Variants in LINGO2 observed in about 807,000 individuals in gnomAD.
LINGO2 encodes the protein leucine-rich repeat and immunoglobulin-like domain-containing nogo receptor-interacting protein 2.
Under a neutral mutation model 30.6 loss-of-function variants are expected in LINGO2, and 14 were observed. That is an observed-to-expected ratio of 0.46 (90% CI 0.30 to 0.72). The LOEUF is 0.72. Ranked by LOEUF, LINGO2 falls within the 30% of genes least tolerant of loss-of-function variation. The pLI, the probability that LINGO2 is intolerant of heterozygous loss-of-function variation, is 0.07. For synonymous variants in LINGO2, 317 were observed against 288.5 expected (o/e 1.10, Z -1.00); for missense variants, 729 against 751.7 (o/e 0.97, Z 0.35).
At position 28,553,377 on chromosome 9, in the gene LINGO2, C is replaced by T. The variant is rs927666683; in HGVS notation, c.-364-77352G>A. ...CAGAAGCCTCAGGAGCCGATGTGAT[C>T]AATTGGAAGAAAGGGTATCAGCAAT... On this transcript the variant is annotated intron_variant, in intron 1 of 5. Coordinates refer to ENST00000379992, the Ensembl canonical transcript of LINGO2. Among the ~76,000 whole-genome samples, 19 of 151,858 alleles carry T rather than the reference C, an allele frequency of 1.3e-4. No individual in the cohort carries two copies. The East Asian group carries it at 2.5e-3, about 20-fold the overall frequency.
At chr9:28,863,802 T>C in the LINGO2 span, 2 of 330,336 alleles carry the variant, frequency 6.1e-6, no homozygotes, top group South Asian at 4.9e-5. Context: ...TCACAATCAA[T>C]TGAAGAATAT....
intron 4 of LINGO2, among the ~76,000 whole-genome samples, chr9:28,286,914 A>G (rs1392618211): frequency 6.6e-6 from 1 of 152,140 alleles, no homozygotes; most frequent in African/African-American, 2.4e-5. Flanking sequence ...CCCATGACAC[A>G]AGTTTACCTG....
chr9:28,457,445 C>T lies in LINGO2; in HGVS notation c.-279+18495G>A, dbSNP rs147100249. ...CTTGTCTGTTTTAGAGATGGGGTCT[C>T]ACTTTGTCACCCAGGCTGGAGTGCA... On this transcript the variant is annotated intron_variant, in intron 2 of 5. Coordinates refer to ENST00000379992, the Ensembl canonical transcript of LINGO2. Among the ~76,000 whole-genome samples the T allele has an allele frequency of 1.2e-3, 183 of 152,180 alleles. 2 individuals are homozygous for T. The highest frequency in any genetic ancestry group is 4.2e-3 in the African/African-American group (176 of 41,538).
At chr9:28,657,602 C>A (rs1287799028) in intron 1 of LINGO2, among the ~76,000 whole-genome samples, 2 of 151,614 alleles carry the variant, frequency 1.3e-5, no homozygotes, top group African/African-American at 2.4e-5. Context: ...TAGTAATATT[C>A]CCTCTTTTAT....
chr9:28,370,537 T>A (rs143653052), intron 3 of LINGO2, among the ~76,000 whole-genome samples: 33 of 152,284 alleles, frequency 2.2e-4, no homozygotes, highest in African/African-American at 7.9e-4. Context: ...TACCTAAACT[T>A]TATAAATATG....
intron 1 of LINGO2, among the ~76,000 whole-genome samples, chr9:28,590,074 A>T (rs927932982): frequency 6.6e-6 from 1 of 152,140 alleles, no homozygotes; most frequent in Admixed American, 6.5e-5. Context: ...CTATTTAATA[A>T]ATGGTGCTGG....
Position 28,474,090 on chromosome 9 carries a change from C to A in LINGO2, c.-279+1850G>T, listed in dbSNP as rs1438103310. Among the ~76,000 whole-genome samples the A allele has an allele frequency of 2.0e-5, 3 of 152,074 alleles. No individual in the cohort carries two copies. In the East Asian group the frequency reaches 5.8e-4, roughly 29 times the overall value. On this transcript the variant is annotated intron_variant, in intron 2 of 5. Transcript: ENST00000379992. ...AATAGCACATGTAAATATTTGGATCCATTTCAGTAGAACTGAGAAAGCCAC... is the reference window on the plus strand; with the variant it reads ...AATAGCACATGTAAATATTTGGATCAATTTCAGTAGAACTGAGAAAGCCAC...
At chr9:28,757,704 G>C in the LINGO2 span, among the ~76,000 whole-genome samples, 1 of 151,934 alleles carries the variant, frequency 6.6e-6, no homozygotes, top group Non-Finnish European at 1.5e-5. Flanking sequence ...GCTGAACAAG[G>C]AGCCAGTTAG....
intron 4 of LINGO2, among the ~76,000 whole-genome samples, chr9:28,179,379 A>ATATATAGTATATATATACTATAG (rs1205671620): frequency 1.3e-4 from 17 of 132,128 alleles, no homozygotes; most frequent in Non-Finnish European, 2.7e-4. Context: ...ATATTATGCT[A>ATATATAGTATATATATACTATAG]TATATAGTAT....
chr9:27,965,506 T>A (rs1250014259), intron 5 of LINGO2, among the ~76,000 whole-genome samples: 1 of 152,036 alleles, frequency 6.6e-6, no homozygotes, highest in Non-Finnish European at 1.5e-5. Context: ...CAGTCATCTT[T>A]CCAATGGACT....
intron 4 of LINGO2, among the ~76,000 whole-genome samples, chr9:28,157,421 T>C (rs1414879883): frequency 6.6e-6 from 1 of 152,178 alleles, no homozygotes; most frequent in Non-Finnish European, 1.5e-5. Context: ...ACACTGGGCC[T>C]GGCCCACAAA....
At chr9:29,146,373 AC>A in the LINGO2 span, among the ~76,000 whole-genome samples, 1 of 140,264 alleles carries the variant, frequency 7.1e-6, no homozygotes, top group East Asian at 2.4e-4. Flanking sequence ...AAACAAACAA[AC>A]AAAAAAAAAC....
chr9:29,090,721 G>A, the LINGO2 span, among the ~76,000 whole-genome samples: 1 of 151,748 alleles, frequency 6.6e-6, no homozygotes, highest in East Asian at 1.9e-4. Flanking sequence ...GGGAGAAATG[G>A]GTAATTATAT....
At chr9:29,202,630 G>A in the LINGO2 span, among the ~76,000 whole-genome samples, 3 of 152,014 alleles carry the variant, frequency 2.0e-5, no homozygotes, top group Admixed American at 6.6e-5. Context: ...CAAAACATAT[G>A]ATTATCATCC....
At chr9:28,905,707 G>C in the LINGO2 span, among the ~76,000 whole-genome samples, 3 of 151,976 alleles carry the variant, frequency 2.0e-5, no homozygotes, top group Admixed American at 6.6e-5. Context: ...AACACTGCTG[G>C]TGGCAATGTA....
the LINGO2 span, among the ~76,000 whole-genome samples, chr9:28,878,981 T>C: frequency 6.6e-6 from 1 of 152,174 alleles, no homozygotes; most frequent in Non-Finnish European, 1.5e-5. Flanking sequence ...TTGGAAGTTC[T>C]GGCCAGGGCA....
intron 1 of LINGO2, among the ~76,000 whole-genome samples, chr9:28,561,338 G>A (rs1002980048): frequency 6.6e-6 from 1 of 151,720 alleles, no homozygotes; most frequent in Admixed American, 6.6e-5. Flanking sequence ...AACAGCTCTG[G>A]CCACTAGGAG....
chr9:28,448,799 T>C (rs1295065699), intron 2 of LINGO2, among the ~76,000 whole-genome samples: 1 of 151,708 alleles, frequency 6.6e-6, no homozygotes, highest in Admixed American at 6.6e-5. Context: ...GTACAGCAAA[T>C]AGAGGAAAGA....
rs551894923 is a variant in LINGO2, at chr9:28,494,788, C to G, written c.-364-18763G>C. On this transcript the variant is annotated intron_variant, in intron 1 of 5. Coordinates refer to ENST00000379992, the Ensembl canonical transcript of LINGO2. ...TCTAGTTCTAGATCCTTGAGGAATC[C>G]CCACACTGTCTTCCACAATGGTTGA... Among the ~76,000 whole-genome samples, 6 of 152,174 alleles carry G rather than the reference C, an allele frequency of 3.9e-5. No homozygotes were observed. In the South Asian group the frequency reaches 1.0e-3, roughly 26 times the overall value.
Sources: allele counts gnomAD v4.1 joint callset (sites outside exome capture counted in the v4.1 genomes callset), GRCh38; gene constraint gnomAD v4.1.1; transcripts MANE v1.5; gene names NCBI Gene and HGNC (gene_info 2026-07-23, HGNC 2026-07-21).